NLGN4X: variants seen among roughly 807,000 people sequenced by gnomAD.
NLGN4X encodes the protein neuroligin-4, X-linked.
NLGN4X carries 3 observed loss-of-function variants against 40.3 expected under a neutral mutation model. The ratio of observed to expected loss-of-function variants is 0.07; its 90% CI spans 0.03 to 0.19. The LOEUF is 0.19. NLGN4X is among the 10% of genes least tolerant of loss of function. NLGN4X has a pLI of 1.00. For missense variants in NLGN4X, 382 were observed against 708.3 expected, an observed-to-expected ratio of 0.54 and a Z score of 5.23; for synonymous variants, 270 against 306.8, an observed-to-expected ratio of 0.88 and a Z score of 1.25.
intron 1 of NLGN4X, among the ~76,000 whole-genome samples, chrX:6,158,225 C>A (rs887033893): frequency 8.9e-6 from 1 of 111,757 alleles, no homozygotes; most frequent in East Asian, 2.8e-4. Context: ...TATGTGCCAC[C>A]ATGCCTGTAG....
At chrX:6,119,441 A>T (rs2039373003) in intron 2 of NLGN4X, among the ~76,000 whole-genome samples, 1 of 112,458 alleles carries the variant, frequency 8.9e-6, no homozygotes, top group South Asian at 3.7e-4. Flanking sequence ...CAAAAAGCTC[A>T]AAATAACCAC....
intron 2 of NLGN4X, among the ~76,000 whole-genome samples, chrX:6,124,240 A>C (rs1379873210): frequency 9.0e-6 from 1 of 111,659 alleles, no homozygotes; most frequent in Non-Finnish European, 1.9e-5. Flanking sequence ...ATATAAGTAC[A>C]TTTTATATAT....
chrX:6,115,899 C>A (rs906027947), intron 2 of NLGN4X, among the ~76,000 whole-genome samples: 6 of 111,522 alleles, frequency 5.4e-5, no homozygotes, highest in African/African-American at 2.0e-4. Context: ...CCACCCAATT[C>A]TCCAGCTTTA....
At chrX:6,040,006 T>C (rs940189880) in intron 2 of NLGN4X, among the ~76,000 whole-genome samples, 1 of 112,012 alleles carries the variant, frequency 8.9e-6, no homozygotes, top group Non-Finnish European at 1.9e-5. Flanking sequence ...CACACAACTG[T>C]AGCTTACCGC....
At chrX:5,939,239 A>G (rs2033835037) in intron 3 of NLGN4X, among the ~76,000 whole-genome samples, 1 of 111,243 alleles carries the variant, frequency 9.0e-6, no homozygotes, top group Non-Finnish European at 1.9e-5. Flanking sequence ...GAAATTTGTA[A>G]AACACTGCAT....
chrX:6,097,473 C>A lies in NLGN4X; in HGVS notation c.472+53522G>T, dbSNP rs981474396. On this transcript the variant is annotated intron_variant, in intron 2 of 5. Transcript: ENST00000381095. The stretch of plus-strand genomic sequence containing the variant: ...GGGTGTTGCTGTGGTTGCAGGAGGG[C>A]AGGACTCTGAATACCCCCTTACCCT... Among the ~76,000 whole-genome samples the A allele has an allele frequency of 3.6e-5, 4 of 111,048 alleles. 1 individual carries two copies. The highest frequency in any genetic ancestry group is 2.9e-4 in the Admixed American group (3 of 10,444).
intron 2 of NLGN4X, among the ~76,000 whole-genome samples, chrX:6,053,502 T>C (rs903084815): frequency 9.0e-6 from 1 of 110,780 alleles, no homozygotes; most frequent in African/African-American, 3.3e-5. Flanking sequence ...AGCGCTCAGA[T>C]GGTATACAAT....
At chrX:6,198,108 T>C (rs1159419622) in intron 1 of NLGN4X, among the ~76,000 whole-genome samples, 3 of 110,952 alleles carry the variant, frequency 2.7e-5, no homozygotes, top group Non-Finnish European at 5.7e-5. Context: ...CATATCATTT[T>C]AAAGAAAGCT....
chrX:5,944,709 T>A (rs2034069067), intron 3 of NLGN4X, among the ~76,000 whole-genome samples: 1 of 107,804 alleles, frequency 9.3e-6, no homozygotes, highest in South Asian at 4.1e-4. Context: ...TACTTTAACC[T>A]TGGAAACCTC....
intron 5 of NLGN4X, among the ~76,000 whole-genome samples, chrX:5,901,778 G>GTA (rs991156754): frequency 3.2e-4 from 34 of 105,194 alleles, no homozygotes; most frequent in Non-Finnish European, 1.5e-4. Flanking sequence ...ACGTATTTGT[G>GTA]TATATATATA....
intron 1 of NLGN4X, among the ~76,000 whole-genome samples, chrX:6,169,420 C>G (rs1025044681): frequency 2.7e-5 from 3 of 113,076 alleles, no homozygotes; most frequent in Middle Eastern, 4.2e-3. Context: ...CATTCACTTC[C>G]TAGGTGCCAA....
At chrX:6,005,763 A>C (rs2036087902) in intron 3 of NLGN4X, among the ~76,000 whole-genome samples, 1 of 111,249 alleles carries the variant, frequency 9.0e-6, no homozygotes, top group Non-Finnish European at 1.9e-5. Flanking sequence ...TATCGCAGGA[A>C]GAAAGAATGA....
At chrX:6,115,089 C>T (rs2039248014) in intron 2 of NLGN4X, among the ~76,000 whole-genome samples, 1 of 112,041 alleles carries the variant, frequency 8.9e-6, no homozygotes, top group African/African-American at 3.3e-5. Context: ...AATAAGTGTG[C>T]TCTTTTTTTG....
At chrX:6,187,199 G>C (rs1312729557) in intron 1 of NLGN4X, among the ~76,000 whole-genome samples, 2 of 103,957 alleles carry the variant, frequency 1.9e-5, no homozygotes, top group Admixed American at 1.0e-4. Context: ...GCCTCCCAAA[G>C]TGCTGGGATT....
At chrX:5,940,932 C>T (rs1228850263) in intron 3 of NLGN4X, among the ~76,000 whole-genome samples, 2 of 110,004 alleles carry the variant, frequency 1.8e-5, no homozygotes, top group African/African-American at 6.6e-5. Context: ...ACCAAAGCAA[C>T]ATGGAGACCT....
intron 4 of NLGN4X, among the ~76,000 whole-genome samples, chrX:5,907,695 A>C (rs1165417108): frequency 9.1e-6 from 1 of 110,264 alleles, no homozygotes; most frequent in Non-Finnish European, 1.9e-5. Context: ...CCACGGGGAC[A>C]AGCAGAGGAC....
intron 1 of NLGN4X, among the ~76,000 whole-genome samples, chrX:6,197,249 A>G (rs965351421): frequency 6.4e-5 from 7 of 110,231 alleles, no homozygotes; most frequent in Non-Finnish European, 1.3e-4. Flanking sequence ...AAAAAATGCA[A>G]TTTCATATTA....
At chrX:6,193,408 C>CAAAAAA (rs60328753) in intron 1 of NLGN4X, among the ~76,000 whole-genome samples, 1 of 28,335 alleles carries the variant, frequency 3.5e-5, no homozygotes, top group African/African-American at 1.6e-4. Flanking sequence ...GACTCCGTCT[C>CAAAAAA]AAAAAAAAAA....
At position 6,220,801 on chromosome X, in the gene NLGN4X, G is replaced by A. The variant is rs1369815971; in HGVS notation, c.-306+7740C>T. 9.0e-5 allele frequency among the ~76,000 whole-genome samples: 8 copies of A among 89,213 alleles called. No homozygotes were observed. The East Asian group carries it at 2.9e-3, about 32-fold the overall frequency. The allele number at this position is 89,213 out of a possible 115,157, so 77.5% of individuals were successfully genotyped here. On this transcript the variant is annotated intron_variant, in intron 1 of 5. Transcript: ENST00000381095. ...CACCCAAGCTACAGTGCAATGGCAC[G>A]ATCTTGGCTCACTGCAACCTCCCCC...
Sources: allele counts gnomAD v4.1 joint callset (sites outside exome capture counted in the v4.1 genomes callset), GRCh38; gene constraint gnomAD v4.1.1; transcripts MANE v1.5; gene names NCBI Gene and HGNC (gene_info 2026-07-23, HGNC 2026-07-21).